Variants in CDCA2 observed in about 807,000 individuals in gnomAD.
CDCA2 encodes the protein cell division cycle associated 2, also known as cell division cycle-associated protein 2.
Under a neutral mutation model 67.0 loss-of-function variants are expected in CDCA2, and 44 were observed. The observed-to-expected ratio is 0.66, with a 90% CI of 0.52 to 0.84. CDCA2 has a LOEUF of 0.84. Among genes scored for constraint, CDCA2 ranks in the 40% least tolerant of loss-of-function variants. The pLI is 0.00. For synonymous variants in CDCA2, 447 were observed against 418.7 expected (o/e 1.07, Z -0.82); for missense variants, 1,253 against 1,203.2 (o/e 1.04, Z -0.61).
intron 14 of CDCA2, among the ~76,000 whole-genome samples, chr8:25,504,550 A>C (rs547513773): frequency 3.9e-5 from 6 of 152,302 alleles, no homozygotes; most frequent in Non-Finnish European, 7.4e-5. Context: ...TATACCATAC[A>C]AGATTAATAA....
At chr8:25,488,469 G>A (rs1022728536) in intron 12 of CDCA2, 83 bp from the exon 13 acceptor site, 28 of 1,304,424 alleles carry the variant, frequency 2.1e-5, no homozygotes, top group Admixed American at 8.2e-5. Context: ...AAGCATCCTG[G>A]GAAGCACAAC....
chr8:25,489,590 C>T (rs1039058506), intron 13 of CDCA2, among the ~76,000 whole-genome samples: 15 of 152,232 alleles, frequency 9.9e-5, no homozygotes, highest in African/African-American at 3.6e-4. Context: ...CATTCACTGA[C>T]ATCTGGCCTT....
intron 7 of CDCA2, among the ~76,000 whole-genome samples, chr8:25,473,332 A>G (rs1219337217): frequency 6.6e-6 from 1 of 152,216 alleles, no homozygotes; most frequent in East Asian, 1.9e-4. Context: ...GCGTTGAAGA[A>G]CATTCTGTTC....
rs369679846 is a variant in CDCA2 at position 25,460,187 on chromosome 8, C to T, written c.1-53C>T. 3.7e-4 allele frequency: 581 copies of T among 1,555,416 alleles called. 2 individuals are homozygous for T. Among genetic ancestry groups the T allele is most frequent in the Non-Finnish European group, 3.3e-4 (376 of 1,126,878 alleles). ...TCCTGAATAAGGTACGTGATCGAAT[C>T]ACGTTCATCTTGCTGGTGGGGTTAT... On this transcript the variant is annotated intron_variant, in intron 1 of 14. Coordinates refer to ENST00000330560, the MANE Select transcript of CDCA2 (RefSeq NM_152562.4).
intron 7 of CDCA2, among the ~76,000 whole-genome samples, chr8:25,473,989 G>A (rs1029464397): frequency 2.6e-5 from 4 of 152,166 alleles, no homozygotes; most frequent in African/African-American, 9.7e-5. Flanking sequence ...TCTGGGCAGA[G>A]GGCCAAAGAA....
intron 12 of CDCA2, 146 bp downstream of exon 12, chr8:25,487,480 GC>G (rs1376190264): frequency 3.4e-6 from 2 of 596,370 alleles, no homozygotes; most frequent in Non-Finnish European, 5.9e-6. Context: ...CGTGGTTCAC[GC>G]CTGTAATCCC....
Position 25,470,099 on chromosome 8 carries a change from T to G in CDCA2, c.820+119T>G, listed in dbSNP as rs1486956067. 9 of 625,814 alleles carry G rather than the reference T, an allele frequency of 1.4e-5. No homozygotes were observed. The East Asian group carries it at 2.1e-4, about 14-fold the overall frequency. 38.8% of individuals were successfully genotyped at this position (625,814 alleles called of 1,614,324 possible). The stretch of plus-strand genomic sequence containing the variant: ...TTGTTTCCTACTTTTTAGGAGCTCA[T>G]GGCCTAGTAGAAATGCTTCTGAATT... On this transcript the variant is annotated intron_variant, in intron 7 of 14. Coordinates refer to ENST00000330560, the MANE Select transcript of CDCA2 (RefSeq NM_152562.4).
In CDCA2 at chr8:25,507,416, A is replaced by G. The variant is rs201975412; in HGVS notation, c.2750A>G (p.Gln917Arg). Reference sequence around the variant, plus strand: ...TCACTTCCACTTCCTTCCACTTCCCAAAAAGCCAAAAGAAGAACAATATGT... The same window carrying G: ...TCACTTCCACTTCCTTCCACTTCCCGAAAAGCCAAAAGAAGAACAATATGT... Reference protein sequence around the residue: ...WISLPLPSTSQKAKRRTICTF... With the variant: ...WISLPLPSTSRKAKRRTICTF... Residue 917 changes from glutamine (Q) to arginine (R), a missense_variant, in exon 15 of 15, where the codon CAA (glutamine) becomes CGA (arginine). Gln to Arg is a conservative substitution (Grantham distance 43). Coordinates refer to ENST00000330560, the MANE Select transcript of CDCA2 (RefSeq NM_152562.4). 2 of 1,614,046 alleles carry G rather than the reference A, an allele frequency of 1.2e-6. No individual in the cohort carries two copies. Among genetic ancestry groups the G allele is most frequent in the Admixed American group, 1.7e-5 (1 of 59,992 alleles).
At chr8:25,467,065 AACAC>A (rs748648393) in intron 5 of CDCA2, among the ~76,000 whole-genome samples, 2,116 of 126,044 alleles carry the variant, frequency 0.017, 190 homozygotes, top group African/African-American at 0.036. Context: ...AAAAAAAAAA[AACAC>A]ACACACACAC....
At chr8:25,460,177 G>A (rs2117469751) in intron 1 of CDCA2, 63 bp from the exon 2 acceptor site, 2 of 1,512,512 alleles carry the variant, frequency 1.3e-6, no homozygotes, top group East Asian at 2.3e-5. Context: ...AATAAGGTAC[G>A]TGATCGAATC....
intron 7 of CDCA2, among the ~76,000 whole-genome samples, chr8:25,476,558 C>CTTT (rs555991670): frequency 6.9e-5 from 10 of 145,214 alleles, no homozygotes; most frequent in African/African-American, 2.5e-4. Flanking sequence ...TCTTTTTTTT[C>CTTT]TTTTTTTTTT....
chr8:25,475,594 G>A (rs1183654814), intron 7 of CDCA2, among the ~76,000 whole-genome samples: 1 of 152,124 alleles, frequency 6.6e-6, no homozygotes, highest in Non-Finnish European at 1.5e-5. Flanking sequence ...GTTAGATGGG[G>A]CCAGATATTT....
intron 8 of CDCA2, among the ~76,000 whole-genome samples, chr8:25,482,643 C>T (rs1043120417): frequency 6.6e-6 from 1 of 152,174 alleles, no homozygotes; most frequent in Non-Finnish European, 1.5e-5. Context: ...CCGAGGCACA[C>T]GGATTGCTTG....
rs1268959090 is a variant in CDCA2, at chr8:25,507,037, C to T, written c.2371C>T (p.His791Tyr). 6.2e-7 allele frequency: 1 copy of T among 1,614,008 alleles called. No individual in the cohort carries two copies. The highest frequency in any genetic ancestry group is 1.1e-5 in the South Asian group (1 of 91,044). Reference sequence around the variant, plus strand: ...AATGCCTAATTCACAAAAAGACTGTCATTGTTTAGGAGATGTCTTAATTGA... The same window carrying T: ...AATGCCTAATTCACAAAAAGACTGTTATTGTTTAGGAGATGTCTTAATTGA... ...RLMPNSQKDC[H>Y]CLGDVLIENT... Residue 791 changes from histidine (H) to tyrosine (Y), a missense_variant, in exon 15 of 15, where the codon CAT (histidine) becomes TAT (tyrosine). Coordinates refer to ENST00000330560, the MANE Select transcript of CDCA2 (RefSeq NM_152562.4).
chr8:25,460,500 G>A lies in CDCA2; in HGVS notation c.178G>A (p.Val60Ile), dbSNP rs1186765222. The change falls in exon 3 of 15, where the codon GTA (valine) becomes ATA (isoleucine). Residue 60 changes from valine to isoleucine, a missense_variant. By Grantham distance (29) the Val-to-Ile change is conservative. Coordinates refer to ENST00000330560, the MANE Select transcript of CDCA2 (RefSeq NM_152562.4). The stretch of plus-strand genomic sequence containing the variant: ...TAAATCACCTTTGAACTTTTCCACA[G>A]TAACCGTAGAGCAATTGGGAATTAC... ...TFKSPLNFST[V>I]TVEQLGITPE... The A allele has an allele frequency of 1.9e-6, 3 of 1,614,054 alleles. No individual in the cohort carries two copies. Among genetic ancestry groups the A allele is most frequent in the East Asian group, 4.5e-5 (2 of 44,892 alleles).
rs1030320320 is a variant in CDCA2, at chr8:25,487,615, C to T, written c.1533+281C>T. On this transcript the variant is annotated intron_variant, in intron 12 of 14. Coordinates refer to ENST00000330560, the MANE Select transcript of CDCA2 (RefSeq NM_152562.4). ...AAAATTAGCCGGACGTGGTGGTGGA[C>T]GCCTGTAGTCCCAGCTACTAGGGAG... 8.5e-5 allele frequency among the ~76,000 whole-genome samples: 13 copies of T among 152,088 alleles called. No individual in the cohort carries two copies. The East Asian group carries it at 9.7e-4, about 11-fold the overall frequency.
chr8:25,477,683 A>T (rs774188829), intron 7 of CDCA2, among the ~76,000 whole-genome samples: 1 of 152,206 alleles, frequency 6.6e-6, no homozygotes, highest in South Asian at 2.1e-4. Context: ...TTGACTTCAA[A>T]TTAAAATAGT....
intron 13 of CDCA2, among the ~76,000 whole-genome samples, chr8:25,490,315 C>T (rs1803952127): frequency 6.6e-6 from 1 of 151,904 alleles, no homozygotes; most frequent in African/African-American, 2.4e-5. Flanking sequence ...TGCAATCCCT[C>T]CCAGGACCTT....
chr8:25,462,621 C>T (rs1299200398), intron 4 of CDCA2, among the ~76,000 whole-genome samples: 4 of 91,896 alleles, frequency 4.4e-5, no homozygotes, highest in Non-Finnish European at 2.5e-5. Flanking sequence ...GTGAGACTGT[C>T]TCAAAAAAAA....
Sources: allele counts gnomAD v4.1 joint callset (sites outside exome capture counted in the v4.1 genomes callset), GRCh38; gene constraint gnomAD v4.1.1; transcripts MANE v1.5; gene names NCBI Gene and HGNC (gene_info 2026-07-23, HGNC 2026-07-21).